Variants in ARRB1 observed in about 807,000 individuals in gnomAD.
ARRB1 encodes beta-arrestin-1.
ARRB1 carries 21 observed loss-of-function variants against 56.8 expected under a neutral mutation model. The observed-to-expected ratio is 0.37, with a 90% CI of 0.26 to 0.53. ARRB1 has a LOEUF of 0.53. Ranked by LOEUF, ARRB1 falls within the 20% of genes least tolerant of loss-of-function variation. ARRB1 has a pLI of 0.88. For missense variants in ARRB1, 424 were observed against 553.7 expected, an observed-to-expected ratio of 0.77 and a Z score of 2.35; for synonymous variants, 210 against 218.6, an observed-to-expected ratio of 0.96 and a Z score of 0.35.
chr11:75,294,021 T>G (rs1191854981), intron 1 of ARRB1, among the ~76,000 whole-genome samples: 1 of 152,320 alleles, frequency 6.6e-6, no homozygotes, highest in East Asian at 1.9e-4. Flanking sequence ...ACTCTGATTC[T>G]CACTCAGCTT....
chr11:75,278,548 G>A (rs1199805123), intron 8 of ARRB1, 61 bp downstream of exon 8: 1 of 1,608,840 alleles, frequency 6.2e-7, no homozygotes, highest in Non-Finnish European at 8.5e-7. Context: ...AGAGAGCTGG[G>A]ATCTGAGGCC....
At chr11:75,267,520 A>C (rs1945952228) in intron 15 of ARRB1, 132 bp downstream of exon 15, 1 of 869,880 alleles carries the variant, frequency 1.1e-6, no homozygotes, top group Non-Finnish European at 1.8e-6. Flanking sequence ...AGAGGCGAGC[A>C]GAGGTGGCTC....
chr11:75,296,735 C>T (rs947313584), intron 1 of ARRB1, among the ~76,000 whole-genome samples: 8 of 151,802 alleles, frequency 5.3e-5, no homozygotes, highest in Admixed American at 2.0e-4. Flanking sequence ...TGGAGTACAG[C>T]GGCACCAGCG....
chr11:75,341,261 C>T (rs966486953), intron 1 of ARRB1, among the ~76,000 whole-genome samples: 1 of 152,076 alleles, frequency 6.6e-6, no homozygotes, highest in Non-Finnish European at 1.5e-5. Flanking sequence ...CCTCAGCCTC[C>T]CTGGTAGCTG....
At chr11:75,297,538 G>A (rs187487294) in intron 1 of ARRB1, among the ~76,000 whole-genome samples, 67 of 152,096 alleles carry the variant, frequency 4.4e-4, no homozygotes, top group Non-Finnish European at 7.9e-4. Context: ...AAAAAACAAA[G>A]TTAGATCCCG....
intron 1 of ARRB1, among the ~76,000 whole-genome samples, chr11:75,302,987 G>GATT (rs1355366719): frequency 1.4e-4 from 17 of 124,946 alleles, no homozygotes; most frequent in African/African-American, 6.5e-4. Context: ...TTTTCCCCCA[G>GATT]ATTATTATTA....
intron 5 of ARRB1, among the ~76,000 whole-genome samples, chr11:75,282,800 A>G (rs1946380109): frequency 6.6e-6 from 1 of 152,216 alleles, no homozygotes; most frequent in Non-Finnish European, 1.5e-5. Flanking sequence ...AAAGGGAGAG[A>G]CCACACTGAA....
chr11:75,304,843 C>T (rs1245408231), intron 1 of ARRB1, among the ~76,000 whole-genome samples: 1 of 150,780 alleles, frequency 6.6e-6, no homozygotes, highest in African/African-American at 2.4e-5. Context: ...GTGGGAGGAT[C>T]GCTTGAACCC....
chr11:75,344,916 C>T (rs1325607136), intron 1 of ARRB1, among the ~76,000 whole-genome samples: 2 of 152,186 alleles, frequency 1.3e-5, no homozygotes, highest in African/African-American at 4.8e-5. Flanking sequence ...GGACCTCCTG[C>T]CTCATCCAGG....
chr11:75,345,283 C>T (rs1298997885), intron 1 of ARRB1, among the ~76,000 whole-genome samples: 1 of 152,146 alleles, frequency 6.6e-6, no homozygotes, highest in Non-Finnish European at 1.5e-5. Flanking sequence ...GCGCGTCTCC[C>T]GAGAGATGAC....
intron 1 of ARRB1, among the ~76,000 whole-genome samples, chr11:75,337,049 T>C (rs1490430769): frequency 1.3e-5 from 2 of 152,254 alleles, no homozygotes; most frequent in African/African-American, 4.8e-5. Flanking sequence ...ATGTTCTAGG[T>C]ATTCAGGAAA....
chr11:75,324,948 G>T (rs2140499661), intron 1 of ARRB1, among the ~76,000 whole-genome samples: 1 of 152,164 alleles, frequency 6.6e-6, no homozygotes, highest in South Asian at 2.1e-4. Flanking sequence ...CTGGTGGCTG[G>T]CGTGAGGTGA....
intron 1 of ARRB1, among the ~76,000 whole-genome samples, chr11:75,332,355 C>T (rs1947535280): frequency 6.6e-6 from 1 of 152,208 alleles, no homozygotes; most frequent in Non-Finnish European, 1.5e-5. Context: ...AAATCTGCGT[C>T]TGTAAACATA....
At chr11:75,346,560 G>A (rs912628270) in intron 1 of ARRB1, among the ~76,000 whole-genome samples, 2 of 152,082 alleles carry the variant, frequency 1.3e-5, no homozygotes, top group African/African-American at 2.4e-5. Context: ...CTCTCTGCCC[G>A]CTGTAGCCTA....
chr11:75,310,717 G>A (rs1002289299), intron 1 of ARRB1, among the ~76,000 whole-genome samples: 11 of 152,188 alleles, frequency 7.2e-5, no homozygotes, highest in Admixed American at 7.2e-4. Flanking sequence ...GAGGCAGTGG[G>A]CATGGGCATT....
chr11:75,281,892 G>A lies in ARRB1; in HGVS notation c.414+70C>T. On this transcript the variant is annotated intron_variant, in intron 6 of 15. Transcript: ENST00000420843. ...GTCCTGTGTGTCCAGCACCTCCCAGGGAGAAAGCCAGGGACCTGGGGACAT... is the reference window on the plus strand; with the variant it reads ...GTCCTGTGTGTCCAGCACCTCCCAGAGAGAAAGCCAGGGACCTGGGGACAT... 4 of 1,525,702 alleles carry A rather than the reference G, an allele frequency of 2.6e-6. No homozygotes were observed. The South Asian group carries it at 4.6e-5, about 17-fold the overall frequency. 94.5% of individuals were successfully genotyped at this position (1,525,702 alleles called of 1,614,324 possible). A position where few individuals can be genotyped will look rare whatever the true frequency, so the allele number is the denominator to read the frequency against.
intron 7 of ARRB1, among the ~76,000 whole-genome samples, chr11:75,279,261 G>A (rs780973035): frequency 6.6e-6 from 1 of 152,202 alleles, no homozygotes; most frequent in Admixed American, 6.5e-5. Context: ...AGGGGACAGC[G>A]GTCTCAAGAA....
intron 1 of ARRB1, among the ~76,000 whole-genome samples, chr11:75,306,254 A>G (rs1242762716): frequency 1.3e-5 from 2 of 152,034 alleles, no homozygotes; most frequent in Admixed American, 1.3e-4. Context: ...TGACCACTTC[A>G]GCTGCCACCG....
intron 1 of ARRB1, among the ~76,000 whole-genome samples, chr11:75,308,783 G>A (rs1425198686): frequency 6.6e-6 from 1 of 151,008 alleles, no homozygotes; most frequent in East Asian, 1.9e-4. Flanking sequence ...ATTTTTTTCT[G>A]GAGAAAGGGT....
Sources: allele counts gnomAD v4.1 joint callset (sites outside exome capture counted in the v4.1 genomes callset), GRCh38; gene constraint gnomAD v4.1.1; transcripts MANE v1.5; gene names NCBI Gene and HGNC (gene_info 2026-07-23, HGNC 2026-07-21).